Variants in NOL4L observed in about 807,000 individuals in gnomAD.
NOL4L encodes nucleolar protein 4-like.
A neutral mutation model predicts 64.5 loss-of-function variants in NOL4L; 7 were observed. That is an observed-to-expected ratio of 0.11 (90% CI 0.06 to 0.20). The LOEUF (loss-of-function observed/expected upper bound fraction) is 0.20. Ranked by LOEUF, NOL4L falls within the 10% of genes least tolerant of loss-of-function variation. The pLI is 1.00. For synonymous variants in NOL4L, 413 were observed against 401.0 expected, an observed-to-expected ratio of 1.03 and a Z score of -0.36; for missense variants, 680 against 967.1, an observed-to-expected ratio of 0.70 and a Z score of 3.94.
chr20:32,447,539 G>A lies in NOL4L; in HGVS notation c.*57C>T. The A allele has an allele frequency of 6.6e-7, 1 of 1,523,722 alleles. No homozygotes were observed. The highest frequency in any genetic ancestry group is 8.7e-7 in the Non-Finnish European group (1 of 1,144,882). 94.4% of individuals were successfully genotyped at this position (1,523,722 alleles called of 1,614,324 possible). A position where few individuals can be genotyped will look rare whatever the true frequency, so the allele number is the denominator to read the frequency against. ...TACCAACTGGTGAGGCAGGAAGCCA[G>A]GTCCAGGCTGGGACAGCCTCCTTCC... On this transcript the variant is annotated 3_prime_UTR_variant, in exon 11 of 11. Coordinates refer to ENST00000621426, the MANE Select transcript of NOL4L (RefSeq NM_001256798.2).
chr20:32,453,315 C>T lies in NOL4L; in HGVS notation c.1486G>A (p.Gly496Ser), dbSNP rs149033859. 12 of 1,613,496 alleles carry T rather than the reference C, an allele frequency of 7.4e-6. No individual in the cohort carries two copies. Among genetic ancestry groups the T allele is most frequent in the Admixed American group, 3.3e-5 (2 of 59,980 alleles). ...CAGGGGGGACTCACCATCTCCATGCCGTTCTTCTTCATGCGACGGCAGGAC... is the reference window on the plus strand; with the variant it reads ...CAGGGGGGACTCACCATCTCCATGCTGTTCTTCTTCATGCGACGGCAGGAC... ...LKSCRRMKKN[G>S]MEMTRPTPPH... Residue 496 changes from glycine (G) to serine (S), a missense_variant, in exon 8 of 11, where the codon GGC becomes AGC. Gly to Ser is a moderately conservative substitution (Grantham distance 56). Around this residue, in one of 4 missense-constraint regions of NOL4L, gnomAD observed 70 missense variants for 166.1 expected, o/e 0.42. Transcript: ENST00000621426. The surrounding 1 kb of genome is among the most constrained non-coding windows in gnomAD (Gnocchi z 5.6).
At chr20:32,546,281 G>A (rs2018732772) in intron 1 of NOL4L, among the ~76,000 whole-genome samples, 1 of 149,734 alleles carries the variant, frequency 6.7e-6, no homozygotes, top group South Asian at 2.1e-4. Flanking sequence ...ATGGAGTTTT[G>A]CTCGTTACTC....
At position 32,552,080 on chromosome 20, in the gene NOL4L, T is replaced by C. The variant is rs546909816; in HGVS notation, c.322-24167A>G. Among the ~76,000 whole-genome samples the C allele has an allele frequency of 2.6e-5, 4 of 152,304 alleles. No homozygotes were observed. The South Asian group carries it at 6.2e-4, about 24-fold the overall frequency. ...GCTAGATTACAGGTATGAGCTACTATGCTCAGCCTGAATCATATTTTAAAT... is the reference window on the plus strand; with the variant it reads ...GCTAGATTACAGGTATGAGCTACTACGCTCAGCCTGAATCATATTTTAAAT... On this transcript the variant is annotated intron_variant, in intron 1 of 10. Transcript: ENST00000621426.
chr20:32,480,750 G>T lies in NOL4L; in HGVS notation c.700-6008C>A, dbSNP rs1409763659. On this transcript the variant is annotated intron_variant, in intron 4 of 10. Transcript: ENST00000621426. ...AGACGAAAAACCCCCAGCATCTAAA[G>T]CAACAGGGGTTCAAATCCTTGTTGT... 2.6e-5 allele frequency among the ~76,000 whole-genome samples: 4 copies of T among 152,190 alleles called. No homozygotes were observed. The East Asian group carries it at 7.7e-4, about 29-fold the overall frequency.
At chr20:32,490,453 G>A (rs1600744766) in intron 4 of NOL4L, among the ~76,000 whole-genome samples, 1 of 152,156 alleles carries the variant, frequency 6.6e-6, no homozygotes, top group Admixed American at 6.5e-5. Context: ...GGCTGGAAGA[G>A]GAGGATGTGG....
intron 1 of NOL4L, among the ~76,000 whole-genome samples, chr20:32,570,232 C>G (rs1979674273): frequency 6.6e-6 from 1 of 152,132 alleles, no homozygotes; most frequent in Admixed American, 6.5e-5. Flanking sequence ...GAATCAGGAT[C>G]TTATCAATGA....
intron 1 of NOL4L, among the ~76,000 whole-genome samples, chr20:32,534,899 A>AG (rs1311888656): frequency 6.7e-6 from 1 of 149,834 alleles, no homozygotes; most frequent in Non-Finnish European, 1.5e-5. Context: ...AAAAAAAAAA[A>AG]GTCAGCCAGA....
intron 9 of NOL4L, 90 bp downstream of exon 9, chr20:32,452,794 C>T: frequency 6.4e-7 from 1 of 1,565,818 alleles, no homozygotes; most frequent in Non-Finnish European, 8.7e-7. Flanking sequence ...CGACTGTACC[C>T]ATCACAGCTC....
intron 4 of NOL4L, among the ~76,000 whole-genome samples, chr20:32,504,802 T>C (rs1012544896): frequency 6.6e-6 from 1 of 152,114 alleles, no homozygotes; most frequent in Non-Finnish European, 1.5e-5. Context: ...AGTTTCCTCA[T>C]GTTGGCCAGG....
chr20:32,469,990 T>A (rs542058302), intron 5 of NOL4L, among the ~76,000 whole-genome samples: 1 of 152,344 alleles, frequency 6.6e-6, no homozygotes, highest in African/African-American at 2.4e-5. Flanking sequence ...AGGCCCAGGT[T>A]GGAGGAGCGG....
intron 4 of NOL4L, among the ~76,000 whole-genome samples, chr20:32,495,164 T>TGCA (rs1373940566): frequency 6.6e-5 from 10 of 152,384 alleles, no homozygotes; most frequent in African/African-American, 2.4e-4. Flanking sequence ...CTGTCACGGC[T>TGCA]GCAGCACAAG....
chr20:32,515,275 C>T (rs527910157), intron 3 of NOL4L, among the ~76,000 whole-genome samples: 4 of 152,216 alleles, frequency 2.6e-5, no homozygotes, highest in South Asian at 2.1e-4. Flanking sequence ...TGGAACATCC[C>T]GAGCAGACCC....
chr20:32,552,297 C>T (rs7261864), intron 1 of NOL4L, among the ~76,000 whole-genome samples: 6,428 of 152,038 alleles, frequency 0.042, 411 homozygotes, highest in African/African-American at 0.15. Flanking sequence ...TGATTTCGCC[C>T]GGGGAGAGGA....
At chr20:32,467,016 C>T (rs997142103) in intron 5 of NOL4L, among the ~76,000 whole-genome samples, 3 of 152,138 alleles carry the variant, frequency 2.0e-5, no homozygotes, top group Admixed American at 6.5e-5. Context: ...GAAAGAGCCG[C>T]GGCACAGGGG....
chr20:32,522,617 G>A (rs2017985817), intron 2 of NOL4L, among the ~76,000 whole-genome samples: 1 of 152,246 alleles, frequency 6.6e-6, no homozygotes, highest in South Asian at 2.1e-4. Context: ...CCTCAGCAGA[G>A]CAGCCCAGGG....
intron 4 of NOL4L, among the ~76,000 whole-genome samples, chr20:32,488,855 C>A (rs1568649229): frequency 1.4e-5 from 1 of 73,622 alleles, no homozygotes; most frequent in African/African-American, 8.1e-5. Context: ...TTCTTTCTTT[C>A]TTTCTTTCTT....
chr20:32,517,123 G>A (rs556381148), intron 3 of NOL4L, among the ~76,000 whole-genome samples: 1 of 152,182 alleles, frequency 6.6e-6, no homozygotes, highest in Non-Finnish European at 1.5e-5. Context: ...CCTGGCACTG[G>A]GGGAGGGCAC....
rs4911098 is a variant in NOL4L, at chr20:32,538,478, C to G, written c.322-10565G>C. 1.2e-3 allele frequency among the ~76,000 whole-genome samples: 93 copies of G among 77,896 alleles called. 1 individual carries two copies. Among genetic ancestry groups the G allele is most frequent in the Admixed American group, 4.9e-3 (28 of 5,676 alleles). The allele number at this position is 77,896 out of a possible 152,430, so 51.1% of individuals were successfully genotyped here. A position where few individuals can be genotyped will look rare whatever the true frequency, so the allele number is the denominator to read the frequency against. ...CCCTCCCTCGCTCCCTCCCTCCCTC[C>G]CTCCCTCCCTCCCTCCCTCCCTCCT... On this transcript the variant is annotated intron_variant, in intron 1 of 10. Coordinates refer to ENST00000621426, the MANE Select transcript of NOL4L (RefSeq NM_001256798.2).
intron 1 of NOL4L, among the ~76,000 whole-genome samples, chr20:32,556,737 T>C (rs995233728): frequency 6.6e-6 from 1 of 152,060 alleles, no homozygotes; most frequent in African/African-American, 2.4e-5. Context: ...ACTGGGCAGG[T>C]CGGGTCTGAG....
Sources: gnomAD v4.1 joint callset for allele counts (sites outside exome capture counted in the v4.1 genomes callset) on GRCh38, gnomAD v4.1.1 for gene constraint, gnomAD v4.1.1 regional missense constraint, Gnocchi (gnomAD v3.1) non-coding constraint, MANE v1.5 for transcripts, NCBI Gene and HGNC (gene_info 2026-07-23, HGNC 2026-07-21) for gene names.